The following MARCHF1 variants were observed in gnomAD, a reference collection of about 807,000 sequenced individuals.
MARCHF1 encodes E3 ubiquitin-protein ligase MARCHF1.
MARCHF1 carries 40 observed loss-of-function variants against 54.2 expected under a neutral mutation model. The ratio of observed to expected loss-of-function variants is 0.74; its 90% CI spans 0.57 to 0.96. MARCHF1 has a LOEUF of 0.96. Among genes scored for constraint, MARCHF1 ranks in the 40% least tolerant of loss-of-function variants. The pLI, the probability that MARCHF1 is intolerant of heterozygous loss-of-function variation, is 0.00. For synonymous variants in MARCHF1, 236 were observed against 236.3 expected, an observed-to-expected ratio of 1.00 and a Z score of 0.01; for missense variants, 586 against 656.5, an observed-to-expected ratio of 0.89 and a Z score of 1.17.
At chr4:163,938,187 A>G (rs1369546022) in intron 3 of MARCHF1, among the ~76,000 whole-genome samples, 1 of 152,204 alleles carries the variant, frequency 6.6e-6, no homozygotes, top group Non-Finnish European at 1.5e-5. Flanking sequence ...GTGTGACATA[A>G]GGATCTTGGT....
At chr4:163,647,823 C>A (rs909108375) in intron 5 of MARCHF1, among the ~76,000 whole-genome samples, 1 of 150,990 alleles carries the variant, frequency 6.6e-6, no homozygotes, top group African/African-American at 2.4e-5. Flanking sequence ...AAATAAATAA[C>A]CTATGTTTCA....
At chr4:164,299,523 T>A (rs1734496540) in intron 1 of MARCHF1, among the ~76,000 whole-genome samples, 1 of 152,158 alleles carries the variant, frequency 6.6e-6, no homozygotes, top group Non-Finnish European at 1.5e-5. Flanking sequence ...TAAGGCATAA[T>A]TTTTGAAGGT....
intron 5 of MARCHF1, among the ~76,000 whole-genome samples, chr4:163,658,358 T>C (rs1378104403): frequency 2.0e-5 from 3 of 152,088 alleles, no homozygotes; most frequent in Non-Finnish European, 4.4e-5. Flanking sequence ...AGATACTATC[T>C]CATGCCAGTC....
chr4:163,581,649 C>T (rs1162191892), intron 8 of MARCHF1, among the ~76,000 whole-genome samples: 1 of 152,160 alleles, frequency 6.6e-6, no homozygotes, highest in Non-Finnish European at 1.5e-5. Flanking sequence ...AAGGAATTAA[C>T]AGTGTTTGTT....
intron 4 of MARCHF1, among the ~76,000 whole-genome samples, chr4:163,797,560 A>T (rs1414093949): frequency 6.6e-6 from 1 of 152,032 alleles, no homozygotes; most frequent in Non-Finnish European, 1.5e-5. Context: ...TTTAATTAAC[A>T]TCTCTTTTAT....
At chr4:163,679,773 C>T (rs1157288663) in intron 5 of MARCHF1, among the ~76,000 whole-genome samples, 5 of 151,836 alleles carry the variant, frequency 3.3e-5, no homozygotes, top group South Asian at 2.1e-4. Context: ...CCACCACGCC[C>T]GGCTAATTTT....
At position 164,306,625 on chromosome 4, in the gene MARCHF1, T is replaced by G. The variant is rs115410764; in HGVS notation, c.-323+77245A>C. 7.2e-3 allele frequency among the ~76,000 whole-genome samples: 1,099 copies of G among 152,194 alleles called. 11 individuals carry two copies. Among genetic ancestry groups the G allele is most frequent in the African/African-American group, 0.025 (1,031 of 41,522 alleles). On this transcript the variant is annotated intron_variant, in intron 1 of 9. Coordinates refer to ENST00000514618, the MANE Select transcript of MARCHF1 (RefSeq NM_001394959.1). ...ATAATCTATATCTGCTGTAACAAAA[T>G]GCGAGATATTCCTTCTAAAACTAAG...
chr4:163,862,164 T>G (rs535416630), intron 3 of MARCHF1, among the ~76,000 whole-genome samples: 1 of 152,136 alleles, frequency 6.6e-6, no homozygotes, highest in African/African-American at 2.4e-5. Flanking sequence ...AGGTGGTAGA[T>G]ACAACGCTAA....
At chr4:164,320,547 C>G (rs1169410312) in intron 1 of MARCHF1, among the ~76,000 whole-genome samples, 9 of 152,196 alleles carry the variant, frequency 5.9e-5, no homozygotes, top group Non-Finnish European at 1.3e-4. Context: ...TTCCTCTCTA[C>G]TGTGTGTTTC....
chr4:163,971,753 C>T (rs1752551202), intron 3 of MARCHF1, among the ~76,000 whole-genome samples: 2 of 152,114 alleles, frequency 1.3e-5, no homozygotes, highest in African/African-American at 2.4e-5. Context: ...AATATGTCTC[C>T]ATGGTAAGAT....
chr4:164,254,530 C>T (rs1253867252), intron 1 of MARCHF1, among the ~76,000 whole-genome samples: 6 of 151,004 alleles, frequency 4.0e-5, no homozygotes, highest in African/African-American at 1.5e-4. Flanking sequence ...TAATAAACTC[C>T]CATATGTATG....
At chr4:163,904,965 G>C (rs888894581) in intron 3 of MARCHF1, among the ~76,000 whole-genome samples, 2 of 152,044 alleles carry the variant, frequency 1.3e-5, no homozygotes, top group African/African-American at 4.8e-5. Context: ...TGCTACAAAA[G>C]CAAAAATACT....
chr4:163,648,188 T>C (rs966340843), intron 5 of MARCHF1, among the ~76,000 whole-genome samples: 3 of 151,988 alleles, frequency 2.0e-5, no homozygotes, highest in African/African-American at 7.2e-5. Context: ...GTTTTTGAAA[T>C]TAATCATTTA....
intron 4 of MARCHF1, among the ~76,000 whole-genome samples, chr4:163,734,821 C>T (rs964331350): frequency 2.0e-5 from 3 of 151,998 alleles, no homozygotes; most frequent in East Asian, 1.9e-4. Context: ...TTTAAACATT[C>T]GCAATTTGCA....
chr4:163,604,165 C>T (rs1453669974), intron 7 of MARCHF1, among the ~76,000 whole-genome samples: 2 of 152,118 alleles, frequency 1.3e-5, no homozygotes, highest in East Asian at 1.9e-4. Flanking sequence ...CTACTCAAGA[C>T]TTCCTCGTCT....
chr4:163,748,684 G>C (rs1746431188), intron 4 of MARCHF1, among the ~76,000 whole-genome samples: 1 of 152,158 alleles, frequency 6.6e-6, no homozygotes, highest in South Asian at 2.1e-4. Context: ...TCAGGGCCAG[G>C]GATCGCCTTT....
intron 4 of MARCHF1, among the ~76,000 whole-genome samples, chr4:163,729,961 C>T (rs1256059349): frequency 1.3e-5 from 2 of 151,778 alleles, no homozygotes; most frequent in Admixed American, 6.6e-5. Flanking sequence ...ATATTAATGC[C>T]TTTCATTAAA....
chr4:164,340,847 T>C (rs921240443), intron 1 of MARCHF1, among the ~76,000 whole-genome samples: 2 of 150,888 alleles, frequency 1.3e-5, no homozygotes, highest in African/African-American at 2.4e-5. Flanking sequence ...TGTGAGCCAC[T>C]GTGCTGGGCC....
At chr4:163,966,358 T>G in intron 3 of MARCHF1, among the ~76,000 whole-genome samples, 1 of 151,998 alleles carries the variant, frequency 6.6e-6, no homozygotes, top group African/African-American at 2.4e-5. Flanking sequence ...GCCTGTAAAT[T>G]TTTACCTAAT....
Sources: gnomAD v4.1 joint callset for allele counts (sites outside exome capture counted in the v4.1 genomes callset) on GRCh38, gnomAD v4.1.1 for gene constraint, MANE v1.5 for transcripts, NCBI Gene and HGNC (gene_info 2026-07-23, HGNC 2026-07-21) for gene names.